The following ASTN2 variants were observed in gnomAD, a reference collection of about 807,000 sequenced individuals.
ASTN2 encodes the protein astrotactin 2.
In ASTN2, 54 loss-of-function variants were observed where a neutral mutation model predicts 139.8. That is an observed-to-expected ratio of 0.39 (90% CI 0.31 to 0.48). ASTN2 has a LOEUF of 0.48. Ranked by LOEUF, ASTN2 falls within the 20% of genes least tolerant of loss-of-function variation. The pLI is 0.95. For missense variants in ASTN2, 1,565 were observed against 1,725.1 expected (o/e 0.91, Z 1.64); for synonymous variants, 756 against 719.5 (o/e 1.05, Z -0.81).
intron 19 of ASTN2, among the ~76,000 whole-genome samples, chr9:116,567,995 A>G (rs926720259): frequency 1.3e-5 from 2 of 152,216 alleles, no homozygotes; most frequent in Non-Finnish European, 2.9e-5. Context: ...TGTATACATG[A>G]ATATTATTAT....
intron 16 of ASTN2, among the ~76,000 whole-genome samples, chr9:116,709,999 T>A (rs1828103748): frequency 6.6e-6 from 1 of 152,196 alleles, no homozygotes. Context: ...CTGACTCCAT[T>A]TTTGGTACTT....
intron 20 of ASTN2, among the ~76,000 whole-genome samples, chr9:116,464,997 T>C (rs1319253582): frequency 6.6e-6 from 1 of 152,202 alleles, no homozygotes; most frequent in East Asian, 1.9e-4. Flanking sequence ...TCTTTCCCTG[T>C]AGTCGTTATG....
intron 20 of ASTN2, among the ~76,000 whole-genome samples, chr9:116,466,203 C>G (rs1848643568): frequency 6.6e-6 from 1 of 152,118 alleles, no homozygotes; most frequent in Non-Finnish European, 1.5e-5. Flanking sequence ...AACTGCTGGT[C>G]CAGGGCTCCT....
At chr9:116,614,546 T>A (rs999767296) in intron 19 of ASTN2, among the ~76,000 whole-genome samples, 1 of 151,956 alleles carries the variant, frequency 6.6e-6, no homozygotes, top group African/African-American at 2.4e-5. Context: ...TGGAACACAA[T>A]AGAGCCCCCG....
intron 1 of ASTN2, among the ~76,000 whole-genome samples, chr9:117,405,439 C>T (rs534466920): frequency 6.6e-6 from 1 of 152,198 alleles, no homozygotes; most frequent in Non-Finnish European, 1.5e-5. Flanking sequence ...AATGTACCAT[C>T]ATGGCACCTG....
intron 3 of ASTN2, chr9:117,181,028 G>T (rs1371251495): frequency 1.7e-5 from 27 of 1,563,390 alleles, no homozygotes; most frequent in Non-Finnish European, 2.2e-5. Flanking sequence ...CTGCACTGGG[G>T]TAGCGCAAGG....
chr9:117,225,857 C>T (rs932402198), intron 2 of ASTN2, among the ~76,000 whole-genome samples: 1 of 152,036 alleles, frequency 6.6e-6, no homozygotes, highest in East Asian at 2.0e-4. Flanking sequence ...ACATTCAATA[C>T]GTGGTAGTCA....
chr9:116,587,836 G>A lies in ASTN2; in HGVS notation c.3355+30488C>T, dbSNP rs146770310. Among the ~76,000 whole-genome samples, 27 of 123,406 alleles carry A rather than the reference G, an allele frequency of 2.2e-4. No individual in the cohort carries two copies. In the East Asian group the frequency reaches 6.5e-3, roughly 30 times the overall value. The allele number at this position is 123,406 out of a possible 152,430, so 81.0% of individuals were successfully genotyped here. A position where few individuals can be genotyped will look rare whatever the true frequency, so the allele number is the denominator to read the frequency against. On this transcript the variant is annotated intron_variant, in intron 19 of 22. Coordinates refer to ENST00000313400, the MANE Select transcript of ASTN2 (RefSeq NM_001365068.1). ...AGTTTATAAAGTAGAATACATTACT[G>A]AAAGGCAGGAGATGCTCATATTCTA... is the stretch of plus-strand genomic sequence containing the variant.
chr9:116,585,541 A>G (rs1194261203), intron 19 of ASTN2: 1 of 152,244 alleles, frequency 6.6e-6, no homozygotes, highest in Non-Finnish European at 1.5e-5. Context: ...GGTCTTCTAC[A>G]AAGTTGACAA....
At chr9:116,813,015 G>GTTT (rs977848929) in intron 12 of ASTN2, among the ~76,000 whole-genome samples, 2 of 151,712 alleles carry the variant, frequency 1.3e-5, no homozygotes, top group Non-Finnish European at 2.9e-5. Flanking sequence ...TAGTTGTTGG[G>GTTT]TTTTTTTTAA....
chr9:117,348,468 GA>G (rs1220221997), intron 1 of ASTN2, among the ~76,000 whole-genome samples: 8 of 152,176 alleles, frequency 5.3e-5, no homozygotes, highest in African/African-American at 1.9e-4. Flanking sequence ...GCATGAACAG[GA>G]AAGAGGGTGT....
intron 5 of ASTN2, among the ~76,000 whole-genome samples, chr9:117,055,962 C>T (rs140035916): frequency 1.2e-3 from 180 of 152,352 alleles, no homozygotes; most frequent in African/African-American, 4.1e-3. Flanking sequence ...CTTTCTTGCT[C>T]TGGTGAAGCC....
chr9:117,212,178 G>T (rs550906562), intron 3 of ASTN2, among the ~76,000 whole-genome samples: 1 of 152,236 alleles, frequency 6.6e-6, no homozygotes, highest in South Asian at 2.1e-4. Flanking sequence ...AGTCTCTCCA[G>T]TAAATCATGC....
intron 2 of ASTN2, among the ~76,000 whole-genome samples, chr9:117,268,597 C>A (rs911213482): frequency 2.6e-5 from 4 of 152,198 alleles, no homozygotes; most frequent in African/African-American, 9.7e-5. Flanking sequence ...AGTATGAAAA[C>A]CTTCATCTGG....
intron 19 of ASTN2, chr9:116,612,544 C>T (rs1564153715): frequency 6.6e-6 from 1 of 152,092 alleles, no homozygotes; most frequent in Admixed American, 6.6e-5. Flanking sequence ...TGCAATCAAA[C>T]TAGAACTCAG....
chr9:116,484,929 T>C (rs1849290489), intron 20 of ASTN2, among the ~76,000 whole-genome samples: 1 of 152,168 alleles, frequency 6.6e-6, no homozygotes, highest in Non-Finnish European at 1.5e-5. Flanking sequence ...GCTGTCTACA[T>C]AATGGGGCTG....
At chr9:116,430,583 C>T (rs1296098865) in intron 22 of ASTN2, among the ~76,000 whole-genome samples, 1 of 152,090 alleles carries the variant, frequency 6.6e-6, no homozygotes, top group Non-Finnish European at 1.5e-5. Flanking sequence ...CTTTAGAGTC[C>T]ATAAGGGCAA....
intron 10 of ASTN2, among the ~76,000 whole-genome samples, chr9:116,951,775 C>T (rs1284267366): frequency 1.3e-5 from 2 of 152,146 alleles, no homozygotes; most frequent in Non-Finnish European, 2.9e-5. Flanking sequence ...TAACATTCCC[C>T]AAACACAAGT....
chr9:116,978,942 T>C (rs1836433734), intron 7 of ASTN2, among the ~76,000 whole-genome samples: 1 of 152,210 alleles, frequency 6.6e-6, no homozygotes, highest in South Asian at 2.1e-4. Context: ...TTGTAGTAAA[T>C]AGAATACTAG....
Sources: gnomAD v4.1 joint callset for allele counts (sites outside exome capture counted in the v4.1 genomes callset) on GRCh38, gnomAD v4.1.1 for gene constraint, MANE v1.5 for transcripts, NCBI Gene and HGNC (gene_info 2026-07-23, HGNC 2026-07-21) for gene names.